The following OSBPL1A variants were observed in gnomAD, a reference collection of about 807,000 sequenced individuals.
The protein encoded by OSBPL1A is oxysterol binding protein like 1A.
In OSBPL1A, 80 loss-of-function variants were observed where a neutral mutation model predicts 137.1. The ratio of observed to expected loss-of-function variants is 0.58; its 90% confidence interval spans 0.49 to 0.70. The LOEUF (loss-of-function observed/expected upper bound fraction) is 0.70, where lower values mean the gene tolerates loss of function less well. Among genes scored for constraint, OSBPL1A ranks in the 30% least tolerant of loss-of-function variants. The pLI is 0.00. For missense variants in OSBPL1A, 970 were observed against 1,129.4 expected (o/e 0.86, Z 2.02); for synonymous variants, 365 against 389.7 (o/e 0.94, Z 0.75).
chr18:24,176,951 C>G (rs940245377), intron 21 of OSBPL1A, among the ~76,000 whole-genome samples: 1 of 152,232 alleles, frequency 6.6e-6, no homozygotes. Flanking sequence ...GGCGCTTTCT[C>G]TCCCCTCCGG....
chr18:24,324,834 T>G (rs1265325564), intron 7 of OSBPL1A, among the ~76,000 whole-genome samples: 1 of 145,610 alleles, frequency 6.9e-6, no homozygotes, highest in African/African-American at 2.6e-5. Flanking sequence ...ATGCCTGTTA[T>G]CCCAGCACTT....
At chr18:24,325,365 G>A (rs1252974750) in intron 7 of OSBPL1A, among the ~76,000 whole-genome samples, 4 of 152,260 alleles carry the variant, frequency 2.6e-5, no homozygotes, top group Admixed American at 6.5e-5. Context: ...TCTCCAGCTC[G>A]CCCTGCTCTG....
intron 23 of OSBPL1A, 86 bp downstream of exon 23, chr18:24,171,323 T>C (rs963010099): frequency 2.5e-5 from 26 of 1,054,936 alleles, no homozygotes; most frequent in Non-Finnish European, 1.7e-5. Flanking sequence ...TGAGCCACTG[T>C]GCCCAGCCGA....
At chr18:24,195,476 G>T (rs2087003869) in intron 18 of OSBPL1A, among the ~76,000 whole-genome samples, 1 of 152,286 alleles carries the variant, frequency 6.6e-6, no homozygotes, top group East Asian at 1.9e-4. Flanking sequence ...ATTGCAAAAT[G>T]TTAAAAGGTA....
intron 19 of OSBPL1A, among the ~76,000 whole-genome samples, chr18:24,180,567 T>C (rs1401535501): frequency 6.6e-6 from 1 of 152,006 alleles, no homozygotes; most frequent in East Asian, 1.9e-4. Flanking sequence ...AACGCTACTT[T>C]CTCAACTAAA....
intron 9 of OSBPL1A, 71 bp downstream of exon 9, chr18:24,318,530 T>C (rs1170267311): frequency 3.0e-6 from 4 of 1,319,638 alleles, no homozygotes; most frequent in East Asian, 4.6e-5. Context: ...TTTTTAAAAG[T>C]TTTAAACAGA....
intron 7 of OSBPL1A, among the ~76,000 whole-genome samples, chr18:24,332,455 C>T (rs1384180767): frequency 6.9e-6 from 1 of 144,256 alleles, no homozygotes; most frequent in Non-Finnish European, 1.5e-5. Flanking sequence ...TAATGTACCT[C>T]AGTGGAAAAG....
chr18:24,301,566 A>G (rs1006271695), intron 14 of OSBPL1A, among the ~76,000 whole-genome samples: 6 of 152,248 alleles, frequency 3.9e-5, no homozygotes, highest in African/African-American at 1.4e-4. Flanking sequence ...TCATAGTTGC[A>G]TAACTCTGTG....
intron 7 of OSBPL1A, 120 bp from the exon 8 acceptor site, chr18:24,318,929 C>A: frequency 1.2e-6 from 1 of 855,898 alleles, no homozygotes; most frequent in Non-Finnish European, 1.8e-6. Context: ...TTTTCTTTCC[C>A]CAGAAAATTA....
chr18:24,388,582 C>T (rs1907098561), intron 1 of OSBPL1A, among the ~76,000 whole-genome samples: 1 of 151,900 alleles, frequency 6.6e-6, no homozygotes, highest in Non-Finnish European at 1.5e-5. Context: ...GGCGGATCAC[C>T]TGAGGTCAGG....
intron 1 of OSBPL1A, among the ~76,000 whole-genome samples, chr18:24,378,772 G>C (rs73396211): frequency 0.029 from 4,452 of 152,246 alleles, 225 homozygotes; most frequent in African/African-American, 0.1. Flanking sequence ...TTCTTATGCA[G>C]GCAAGCCAGG....
At chr18:24,380,952 C>CA (rs60495683) in intron 1 of OSBPL1A, among the ~76,000 whole-genome samples, 2,263 of 123,122 alleles carry the variant, frequency 0.018, 65 homozygotes, top group African/African-American at 0.057. Flanking sequence ...AATTCCATCT[C>CA]AAAAAAAAAA....
chr18:24,250,188 T>TTG (rs75362822), intron 15 of OSBPL1A, among the ~76,000 whole-genome samples: 5,853 of 32,302 alleles, frequency 0.18, 277 homozygotes, highest in East Asian at 0.33. Flanking sequence ...GTTTGTTTGT[T>TTG]TTTTTTGACA....
intron 11 of OSBPL1A, among the ~76,000 whole-genome samples, 157 bp downstream of exon 11, chr18:24,316,992 C>T (rs779819500): frequency 2.0e-5 from 3 of 152,074 alleles, no homozygotes; most frequent in Non-Finnish European, 4.4e-5. Flanking sequence ...GGAGATGCCA[C>T]GACTTTACTT....
At chr18:24,291,770 G>GAA (rs111966262) in intron 14 of OSBPL1A, among the ~76,000 whole-genome samples, 337 of 147,346 alleles carry the variant, frequency 2.3e-3, no homozygotes, top group Middle Eastern at 7.1e-3. Flanking sequence ...GGGGGACAGG[G>GAA]AAAAAAAAAA....
intron 15 of OSBPL1A, among the ~76,000 whole-genome samples, chr18:24,241,632 G>A (rs2088697196): frequency 1.3e-5 from 2 of 152,332 alleles, no homozygotes; most frequent in Non-Finnish European, 2.9e-5. Flanking sequence ...AACAACAGAT[G>A]CTAGAGAGGA....
chr18:24,348,302 A>C (rs1352350900), intron 4 of OSBPL1A, among the ~76,000 whole-genome samples: 1 of 151,996 alleles, frequency 6.6e-6, no homozygotes, highest in African/African-American at 2.4e-5. Context: ...AAATATAATA[A>C]TACTCAATAT....
At position 24,179,830 on chromosome 18, in the gene OSBPL1A, T is replaced by C. The variant is rs1351196065; in HGVS notation, c.1818A>G (p.Val606=). The C allele has an allele frequency of 3.1e-6, 5 of 1,613,772 alleles. No individual in the cohort carries two copies. Among genetic ancestry groups the C allele is most frequent in the East Asian group, 2.2e-5 (1 of 44,894 alleles). The change falls in exon 20 of 28, where the codon GTA becomes GTG. Residue 606 remains valine, a synonymous_variant. Transcript: ENST00000319481. ...CAACAGCAGATACAGCAAACGCAGC[T>C]ACACACTGTGGGACAGAGCATGAGA... ...LSDPVERMQC[V]AAFAVSAVAS...
intron 24 of OSBPL1A, among the ~76,000 whole-genome samples, chr18:24,169,008 G>A (rs1379912048): frequency 1.3e-5 from 2 of 152,204 alleles, no homozygotes; most frequent in Non-Finnish European, 2.9e-5. Flanking sequence ...TGCCGCCAAG[G>A]AGTTTGTGCC....
Sources: allele counts gnomAD v4.1 joint callset (sites outside exome capture counted in the v4.1 genomes callset), GRCh38; gene constraint gnomAD v4.1.1; transcripts MANE v1.5; gene names NCBI Gene and HGNC (gene_info 2026-07-23, HGNC 2026-07-21).